SNTG2: variants seen among roughly 807,000 people sequenced by gnomAD.
The protein encoded by SNTG2 is gamma-2-syntrophin.
Under a neutral mutation model 70.9 loss-of-function variants are expected in SNTG2, and 74 were observed. That is an observed-to-expected ratio of 1.04 (90% CI 0.86 to 1.27). SNTG2 has a LOEUF of 1.27. SNTG2 is among the 50% of genes most tolerant of loss of function. The pLI, the probability that SNTG2 is intolerant of heterozygous loss-of-function variation, is 0.00. For synonymous variants in SNTG2, 278 were observed against 273.8 expected, an observed-to-expected ratio of 1.02 and a Z score of -0.15; for missense variants, 717 against 690.7, an observed-to-expected ratio of 1.04 and a Z score of -0.43.
intron 4 of SNTG2, among the ~76,000 whole-genome samples, chr2:1,120,321 G>A (rs560516228): frequency 6.6e-6 from 1 of 152,060 alleles, no homozygotes; most frequent in Admixed American, 6.5e-5. Context: ...GAATTGCATT[G>A]GTCATTCCTT....
chr2:1,090,231 G>A (rs73170892), intron 2 of SNTG2, among the ~76,000 whole-genome samples: 1,533 of 152,252 alleles, frequency 0.01, 24 homozygotes, highest in African/African-American at 0.034. Flanking sequence ...GTCCAAAGTT[G>A]ATAAGTTTTC....
intron 4 of SNTG2, among the ~76,000 whole-genome samples, chr2:1,121,821 A>G (rs1457654267): frequency 2.0e-5 from 3 of 152,144 alleles, no homozygotes; most frequent in Non-Finnish European, 4.4e-5. Context: ...GATCAGGGTG[A>G]TTGCAGGGAT....
chr2:1,200,181 T>C (rs186176969), intron 8 of SNTG2, among the ~76,000 whole-genome samples: 3 of 151,870 alleles, frequency 2.0e-5, no homozygotes, highest in Admixed American at 6.6e-5. Flanking sequence ...CAGAGACCAA[T>C]AAAATATAAC....
chr2:1,244,286 T>C (rs889034397), intron 11 of SNTG2, among the ~76,000 whole-genome samples: 2 of 152,212 alleles, frequency 1.3e-5, no homozygotes, highest in Non-Finnish European at 2.9e-5. Flanking sequence ...TTTTTCTGGA[T>C]GTGATTATTC....
intron 14 of SNTG2, among the ~76,000 whole-genome samples, chr2:1,300,835 G>A (rs1322628599): frequency 6.6e-6 from 1 of 151,974 alleles, no homozygotes; most frequent in Non-Finnish European, 1.5e-5. Context: ...TCCTAATTAC[G>A]TTTACTAGCT....
chr2:1,027,540 A>G (rs1660546336), intron 1 of SNTG2, among the ~76,000 whole-genome samples: 1 of 149,472 alleles, frequency 6.7e-6, no homozygotes, highest in African/African-American at 2.5e-5. Context: ...CCAGCAAGTA[A>G]CTCATGCATC....
chr2:1,285,172 G>A (rs1381622332), intron 14 of SNTG2, among the ~76,000 whole-genome samples: 1 of 152,084 alleles, frequency 6.6e-6, no homozygotes, highest in Non-Finnish European at 1.5e-5. Context: ...GACTTTTCAT[G>A]TTTTTCTGCC....
At chr2:1,085,437 A>G (rs952636937) in intron 2 of SNTG2, among the ~76,000 whole-genome samples, 3 of 152,254 alleles carry the variant, frequency 2.0e-5, no homozygotes, top group Non-Finnish European at 4.4e-5. Flanking sequence ...TTATGCGTAC[A>G]GTTTTAGGTG....
At chr2:1,075,444 G>A (rs1042924751) in intron 1 of SNTG2, among the ~76,000 whole-genome samples, 8 of 152,286 alleles carry the variant, frequency 5.3e-5, no homozygotes, top group Non-Finnish European at 1.2e-4. Flanking sequence ...TTTTTCCAAT[G>A]GAAAGTGTTT....
intron 1 of SNTG2, among the ~76,000 whole-genome samples, chr2:1,010,095 A>G (rs1023103802): frequency 1.3e-5 from 2 of 152,112 alleles, no homozygotes; most frequent in African/African-American, 4.8e-5. Context: ...AGATCTTTAT[A>G]ATATGTGATT....
chr2:979,262 A>G (rs1661021086), intron 1 of SNTG2, among the ~76,000 whole-genome samples: 2 of 152,228 alleles, frequency 1.3e-5, no homozygotes, highest in Non-Finnish European at 2.9e-5. Flanking sequence ...TGCTTCAGGC[A>G]TCAGTGGTTT....
At chr2:1,221,237 C>T (rs564376784) in intron 9 of SNTG2, among the ~76,000 whole-genome samples, 6 of 119,714 alleles carry the variant, frequency 5.0e-5, no homozygotes, top group African/African-American at 1.3e-4. Flanking sequence ...TCTGTCTCTG[C>T]CTCTGCCTCT....
intron 8 of SNTG2, among the ~76,000 whole-genome samples, chr2:1,174,401 G>C (rs1321019393): frequency 6.6e-6 from 1 of 152,020 alleles, no homozygotes; most frequent in Non-Finnish European, 1.5e-5. Flanking sequence ...GTTTCTGTGA[G>C]GTTTTTTGCT....
In SNTG2 at chr2:1,167,094, G is replaced by C. The variant is rs186041698; in HGVS notation, c.499+1459G>C. 1.3e-4 allele frequency among the ~76,000 whole-genome samples: 20 copies of C among 152,348 alleles called. 1 individual carries two copies. Among genetic ancestry groups the C allele is most frequent in the African/African-American group, 3.8e-4 (16 of 41,582 alleles). The stretch of plus-strand genomic sequence containing the variant: ...GATACAGAAAGCCTTCTGTCCTTGC[G>C]ATAAGGCAGAGGGTCTAATTGAGCT... On this transcript the variant is annotated intron_variant, in intron 7 of 16. Coordinates refer to ENST00000308624, the MANE Select transcript of SNTG2 (RefSeq NM_018968.4).
intron 4 of SNTG2, among the ~76,000 whole-genome samples, chr2:1,106,898 T>G (rs75692265): frequency 0.12 from 19 of 158 alleles, 4 homozygotes; most frequent in Middle Eastern, 0.75. Flanking sequence ...TGCTTGGTAA[T>G]AGTGGACACG....
At chr2:1,168,927 G>A (rs1450873077) in intron 7 of SNTG2, among the ~76,000 whole-genome samples, 1 of 152,200 alleles carries the variant, frequency 6.6e-6, no homozygotes, top group Non-Finnish European at 1.5e-5. Context: ...GGAGCGAAAT[G>A]TCACACGCGG....
chr2:1,016,612 C>T (rs934600970), intron 1 of SNTG2, among the ~76,000 whole-genome samples: 1 of 152,180 alleles, frequency 6.6e-6, no homozygotes, highest in Non-Finnish European at 1.5e-5. Flanking sequence ...CCAGCAGAGA[C>T]CGAAAGCAGG....
chr2:1,312,564 C>T (rs527830252), intron 15 of SNTG2, among the ~76,000 whole-genome samples: 34 of 152,338 alleles, frequency 2.2e-4, no homozygotes, highest in Admixed American at 3.3e-4. Flanking sequence ...CCTGGCCATA[C>T]GTGTAGGACC....
At chr2:996,296 T>C (rs1436195382) in intron 1 of SNTG2, among the ~76,000 whole-genome samples, 1 of 152,196 alleles carries the variant, frequency 6.6e-6, no homozygotes, top group East Asian at 1.9e-4. Context: ...CAACTTCGAC[T>C]GCCAGAAATC....
Sources: gnomAD v4.1 joint callset for allele counts (sites outside exome capture counted in the v4.1 genomes callset) on GRCh38, gnomAD v4.1.1 for gene constraint, MANE v1.5 for transcripts, NCBI Gene and HGNC (gene_info 2026-07-23, HGNC 2026-07-21) for gene names.